CREB3L2: variants seen among roughly 807,000 people sequenced by gnomAD.
CREB3L2 encodes cAMP responsive element binding protein 3 like 2, also known as cyclic AMP-responsive element-binding protein 3-like protein 2.
A neutral mutation model predicts 57.2 loss-of-function variants in CREB3L2; 23 were observed. The observed-to-expected ratio is 0.40, with a 90% confidence interval of 0.29 to 0.57. The LOEUF (loss-of-function observed/expected upper bound fraction) is 0.57. CREB3L2 is among the 20% of genes least tolerant of loss of function. CREB3L2 has a pLI of 0.42. For missense variants in CREB3L2, 628 were observed against 634.7 expected (o/e 0.99, Z 0.11); for synonymous variants, 268 against 265.1 (o/e 1.01, Z -0.11).
chr7:137,955,441 C>T lies in CREB3L2; in HGVS notation c.103-27075G>A, dbSNP rs528213108. ...CCTTAATCCCCACACGCCAAACTTACACGTCCGGTTCAGAAATACTCATGG... is the reference window on the plus strand; with the variant it reads ...CCTTAATCCCCACACGCCAAACTTATACGTCCGGTTCAGAAATACTCATGG... On this transcript the variant is annotated intron_variant, in intron 1 of 11. Coordinates refer to ENST00000330387, the MANE Select transcript of CREB3L2 (RefSeq NM_194071.4). The T allele has an allele frequency of 2.1e-3, 1,066 of 519,526 alleles. 2 individuals are homozygous for T. Among genetic ancestry groups the T allele is most frequent in the Non-Finnish European group, 3.1e-3 (922 of 293,996 alleles). The allele number at this position is 519,526 out of a possible 1,614,324, so 32.2% of individuals were successfully genotyped here. A position where few individuals can be genotyped will look rare whatever the true frequency, so the allele number is the denominator to read the frequency against.
intron 10 of CREB3L2, chr7:137,884,755 T>A (rs1799373064): frequency 3.2e-6 from 2 of 623,936 alleles, no homozygotes; most frequent in South Asian, 3.8e-5. Context: ...GGGAACACAG[T>A]CTAGAACAGC....
intron 1 of CREB3L2, among the ~76,000 whole-genome samples, chr7:137,939,156 A>C (rs1800840756): frequency 6.6e-6 from 1 of 152,228 alleles, no homozygotes; most frequent in Admixed American, 6.5e-5. Context: ...AATAAAAATA[A>C]TGCGAAGAAA....
At chr7:137,905,578 A>G in intron 6 of CREB3L2, 124 bp downstream of exon 6, 1 of 1,023,352 alleles carries the variant, frequency 9.8e-7, no homozygotes, top group Non-Finnish European at 1.5e-6. Context: ...AGGGAAGGGA[A>G]GGGCTGGGCC....
In CREB3L2 at chr7:137,878,956, A is replaced by G; in HGVS notation, c.*1520T>C. On this transcript the variant is annotated 3_prime_UTR_variant, in exon 12 of 12. Coordinates refer to ENST00000330387, the MANE Select transcript of CREB3L2 (RefSeq NM_194071.4). The stretch of plus-strand genomic sequence containing the variant: ...GAGAGAGAAGGAGAGACAGAGAGAG[A>G]GAGGGAGAGAGAGAAGCCAAAACCA... The G allele has an allele frequency of 2.4e-6, 1 of 414,992 alleles. No individual in the cohort carries two copies. The highest frequency in any genetic ancestry group is 2.3e-5 in the South Asian group (1 of 43,404). The allele number at this position is 414,992 out of a possible 1,614,324, so 25.7% of individuals were successfully genotyped here. A position where few individuals can be genotyped will look rare whatever the true frequency, so the allele number is the denominator to read the frequency against.
At chr7:137,900,631 C>T (rs2117198206) in intron 8 of CREB3L2, among the ~76,000 whole-genome samples, 1 of 148,740 alleles carries the variant, frequency 6.7e-6, no homozygotes. Context: ...CCCATCTCTA[C>T]TAAAAAAAAA....
rs773565856 is a variant in CREB3L2 at position 137,885,447 on chromosome 7, G to A, written c.1099C>T (p.Arg367Ter). 3.7e-6 allele frequency: 6 copies of A among 1,614,036 alleles called. No individual in the cohort carries two copies. The highest frequency in any genetic ancestry group is 2.2e-5 in the South Asian group (2 of 91,070). Residue 367 changes from arginine (R) to a stop codon, truncating the protein, a stop_gained, in exon 9 of 12, where the codon CGA becomes TGA. Transcript: ENST00000330387. LOFTEE classifies it high-confidence loss of function. ...LQTLVMGKVSRTCKLAGTQTG... is the reference protein window; with the variant it reads ...LQTLVMGKVS ...TGCGTGCCAGCTAACTTGCAGGTTC[G>A]AGAAACCTTGCCCATCACCAAAGTC...
intron 2 of CREB3L2, chr7:137,922,903 TAAAGGAAAAATATAA>T (rs1376105036): frequency 9.9e-6 from 2 of 201,386 alleles, no homozygotes; most frequent in African/African-American, 4.7e-5. Context: ...AAAAATCTCT[TAAAGGAAAAATATAA>T]TGGCTAGGCT....
At chr7:137,903,765 C>A (rs1383802525) in intron 7 of CREB3L2, among the ~76,000 whole-genome samples, 194 bp downstream of exon 7, 1 of 152,220 alleles carries the variant, frequency 6.6e-6, no homozygotes, top group Non-Finnish European at 1.5e-5. Context: ...AAGGTACTTT[C>A]ACTTCTTTCT....
At chr7:137,978,553 G>A (rs1801650634) in intron 1 of CREB3L2, among the ~76,000 whole-genome samples, 2 of 152,198 alleles carry the variant, frequency 1.3e-5, no homozygotes, top group Admixed American at 1.3e-4. Context: ...GGCAATGGCA[G>A]GCCCGGTACG....
intron 1 of CREB3L2, among the ~76,000 whole-genome samples, chr7:137,950,413 AC>A (rs1397670259): frequency 6.6e-6 from 1 of 152,196 alleles, no homozygotes; most frequent in Admixed American, 6.5e-5. Flanking sequence ...GGGAAACTGG[AC>A]CACATCAAAG....
At chr7:137,968,208 CTT>C (rs1045970771) in intron 1 of CREB3L2, among the ~76,000 whole-genome samples, 6 of 144,068 alleles carry the variant, frequency 4.2e-5, no homozygotes, top group Admixed American at 1.4e-4. Context: ...GCTAGCTACT[CTT>C]TTTTTTTTTT....
At chr7:137,899,926 A>G (rs1334586160) in intron 8 of CREB3L2, among the ~76,000 whole-genome samples, 1 of 152,198 alleles carries the variant, frequency 6.6e-6, no homozygotes, top group Non-Finnish European at 1.5e-5. Context: ...ATCCCTTAAT[A>G]TTTGCACAAT....
intron 1 of CREB3L2, among the ~76,000 whole-genome samples, chr7:137,928,576 G>A (rs1031349916): frequency 7.2e-5 from 11 of 151,758 alleles, no homozygotes; most frequent in African/African-American, 2.4e-4. Context: ...TCCCTCCTCC[G>A]TGGGTTGGGC....
chr7:137,923,441 G>T (rs930021250), intron 2 of CREB3L2, among the ~76,000 whole-genome samples: 1 of 152,170 alleles, frequency 6.6e-6, no homozygotes, highest in Non-Finnish European at 1.5e-5. Context: ...ATCACTGTCA[G>T]GTTCTCTCTT....
intron 1 of CREB3L2, chr7:137,958,031 G>A (rs948516037): frequency 1.6e-5 from 4 of 243,700 alleles, no homozygotes; most frequent in Non-Finnish European, 2.5e-5. Flanking sequence ...TCACTTTCTA[G>A]TTTTCCCCTA....
intron 1 of CREB3L2, among the ~76,000 whole-genome samples, chr7:137,942,232 T>G (rs943079440): frequency 2.6e-5 from 4 of 152,232 alleles, no homozygotes; most frequent in African/African-American, 9.6e-5. Context: ...AAAGCTGAAC[T>G]GCACTATCAA....
chr7:137,989,041 T>C (rs1347437099), intron 1 of CREB3L2, among the ~76,000 whole-genome samples: 1 of 152,120 alleles, frequency 6.6e-6, no homozygotes, highest in Non-Finnish European at 1.5e-5. Context: ...CTCATAAAAC[T>C]ACACAAGCAC....
At chr7:137,901,150 T>C (rs1799746169) in intron 8 of CREB3L2, among the ~76,000 whole-genome samples, 1 of 152,186 alleles carries the variant, frequency 6.6e-6, no homozygotes, top group South Asian at 2.1e-4. Flanking sequence ...TGTGTTTGTA[T>C]ATGTGCAAGA....
intron 5 of CREB3L2, 29 bp from the exon 6 acceptor site, chr7:137,905,877 C>A: frequency 6.4e-7 from 1 of 1,562,836 alleles, no homozygotes; most frequent in Non-Finnish European, 8.6e-7. Flanking sequence ...AGAAAAGGGT[C>A]AAAGAAAAAG....
Sources: gnomAD v4.1 joint callset for allele counts (sites outside exome capture counted in the v4.1 genomes callset) on GRCh38, gnomAD v4.1.1 for gene constraint, MANE v1.5 for transcripts, NCBI Gene and HGNC (gene_info 2026-07-23, HGNC 2026-07-21) for gene names.